Variants in PTPRG observed in about 807,000 individuals in gnomAD.
The protein encoded by PTPRG is protein tyrosine phosphatase receptor type G, also known as receptor-type tyrosine-protein phosphatase gamma.
Under a neutral mutation model 165.3 loss-of-function variants are expected in PTPRG, and 102 were observed. The observed-to-expected ratio is 0.62, with a 90% CI of 0.53 to 0.73. PTPRG has a LOEUF of 0.73. PTPRG is among the 30% of genes least tolerant of loss of function. The probability of loss-of-function intolerance (pLI) is 0.00; values close to 1 mark genes in which losing one functional copy is unlikely to be tolerated. For missense variants in PTPRG, 1,866 were observed against 1,861.4 expected (o/e 1.00, Z -0.05); for synonymous variants, 675 against 669.5 (o/e 1.01, Z -0.13).
intron 2 of PTPRG, among the ~76,000 whole-genome samples, chr3:61,956,090 T>TTATATATATATA (rs139960761): frequency 4.6e-4 from 69 of 149,070 alleles, no homozygotes; most frequent in African/African-American, 1.6e-3. Context: ...GGGAAAAAAA[T>TTATATATATATA]TATATATATA....
rs1700544674 is a variant in PTPRG, at chr3:62,053,849, C to T, written c.520-24314C>T. Among the ~76,000 whole-genome samples the T allele has an allele frequency of 2.0e-5, 3 of 152,294 alleles. No homozygotes were observed. The South Asian group carries it at 6.2e-4, about 32-fold the overall frequency. ...TCAAACTGCTGGTTAGATAATTTGA[C>T]TTCCTAGCTCTGCCAAGCCCAGCTG... is the stretch of plus-strand genomic sequence containing the variant. On this transcript the variant is annotated intron_variant, in intron 4 of 29. Transcript: ENST00000474889.
intron 5 of PTPRG, among the ~76,000 whole-genome samples, chr3:62,093,048 TA>T (rs1701993658): frequency 6.6e-6 from 1 of 152,192 alleles, no homozygotes; most frequent in Non-Finnish European, 1.5e-5. Flanking sequence ...CTTTAAATAA[TA>T]CCGATGCTCA....
In PTPRG at chr3:61,884,109, C is replaced by T. The variant is rs79440860; in HGVS notation, c.191-105516C>T. 4.9e-4 allele frequency among the ~76,000 whole-genome samples: 74 copies of T among 152,296 alleles called. 1 individual carries two copies. The East Asian group carries it at 7.0e-3, about 14-fold the overall frequency. On this transcript the variant is annotated intron_variant, in intron 2 of 29. Coordinates refer to ENST00000474889, the MANE Select transcript of PTPRG (RefSeq NM_002841.4). ...ATACTTAGGACATTTATAGTCACCT[C>T]TTTCTTCTTGACTCTGCTAAATTGT...
At chr3:62,289,634 T>G (rs1338097718) in intron 28 of PTPRG, among the ~76,000 whole-genome samples, 3 of 150,486 alleles carry the variant, frequency 2.0e-5, no homozygotes, top group Non-Finnish European at 4.4e-5. Flanking sequence ...CAGGACATTT[T>G]AAGAGACATT....
At chr3:62,026,133 T>C (rs1575905652) in intron 4 of PTPRG, among the ~76,000 whole-genome samples, 1 of 152,216 alleles carries the variant, frequency 6.6e-6, no homozygotes, top group Non-Finnish European at 1.5e-5. Context: ...CTAGCATCAC[T>C]GCATAAATAG....
At chr3:62,286,450 T>C (rs1702663622) in intron 28 of PTPRG, among the ~76,000 whole-genome samples, 1 of 152,090 alleles carries the variant, frequency 6.6e-6, no homozygotes, top group Admixed American at 6.6e-5. Flanking sequence ...TATTAAAAGC[T>C]ACAATAATAA....
At chr3:61,689,256 A>G (rs1255009561) in intron 1 of PTPRG, among the ~76,000 whole-genome samples, 1 of 152,262 alleles carries the variant, frequency 6.6e-6, no homozygotes, top group Non-Finnish European at 1.5e-5. Context: ...TGATTCCTAT[A>G]ACTGCTTCCC....
intron 1 of PTPRG, among the ~76,000 whole-genome samples, chr3:61,664,823 C>T (rs1702762109): frequency 6.6e-6 from 1 of 151,802 alleles, no homozygotes; most frequent in South Asian, 2.1e-4. Context: ...AGAGCCAGAT[C>T]CTGTTTCAAA....
At chr3:61,886,646 C>T (rs1210813090) in intron 2 of PTPRG, among the ~76,000 whole-genome samples, 1 of 152,136 alleles carries the variant, frequency 6.6e-6, no homozygotes, top group Non-Finnish European at 1.5e-5. Context: ...GGGGAGTTAA[C>T]AGGTAGGGCT....
At position 62,203,409 on chromosome 3, in the gene PTPRG, C is replaced by T. The variant is rs1490866661; in HGVS notation, c.1614C>T (p.Leu538=). ...CCAGCACTGTGTGGCCCACGCGCCTCCCGACGGCCGCCTCAGCCAGCAAGC... is the reference window on the plus strand; with the variant it reads ...CCAGCACTGTGTGGCCCACGCGCCTTCCGACGGCCGCCTCAGCCAGCAAGC... ...SFPSTVWPTR[L]PTAASASKQA... Residue 538 remains leucine (L), a synonymous_variant, in exon 12 of 30, where the codon CTC becomes CTT. Transcript: ENST00000474889. This position sits in a 1 kb window ranked among gnomAD's most constrained non-coding sequence, Gnocchi z 6.4. The T allele has an allele frequency of 1.2e-6, 2 of 1,611,338 alleles. No homozygotes were observed. Among genetic ancestry groups the T allele is most frequent in the Non-Finnish European group, 1.7e-6 (2 of 1,179,104 alleles).
chr3:61,624,540 C>G (rs911851761), intron 1 of PTPRG, among the ~76,000 whole-genome samples: 16 of 152,174 alleles, frequency 1.1e-4, no homozygotes, highest in African/African-American at 3.9e-4. Flanking sequence ...CCAAGGGCAT[C>G]GCAAAGACAT....
intron 4 of PTPRG, among the ~76,000 whole-genome samples, chr3:62,045,388 TCG>T (rs1270187709): frequency 6.6e-6 from 1 of 152,226 alleles, no homozygotes; most frequent in African/African-American, 2.4e-5. Flanking sequence ...AAAGCTGGTG[TCG>T]AGTTAGCTGT....
chr3:62,090,199 A>T (rs575351991), intron 5 of PTPRG, among the ~76,000 whole-genome samples: 1 of 152,140 alleles, frequency 6.6e-6, no homozygotes, highest in Non-Finnish European at 1.5e-5. Flanking sequence ...CTCCATCCAT[A>T]TTACTGAGGT....
chr3:62,040,045 G>A (rs551009830), intron 4 of PTPRG, among the ~76,000 whole-genome samples: 13 of 152,256 alleles, frequency 8.5e-5, no homozygotes, highest in South Asian at 8.3e-4. Flanking sequence ...TTTTCCAGCC[G>A]ACAACCAGCT....
At chr3:61,862,033 G>A (rs2037285049) in intron 2 of PTPRG, among the ~76,000 whole-genome samples, 2 of 152,218 alleles carry the variant, frequency 1.3e-5, no homozygotes, top group South Asian at 2.1e-4. Flanking sequence ...GATTGGTACC[G>A]GTCCCTGGCC....
At position 61,787,493 on chromosome 3, in the gene PTPRG, G is replaced by A. The variant is rs1333423782; in HGVS notation, c.190+38511G>A. Among the ~76,000 whole-genome samples the A allele has an allele frequency of 4.6e-5, 7 of 152,192 alleles. No homozygotes were observed. In the East Asian group the frequency reaches 1.3e-3, roughly 29 times the overall value. On this transcript the variant is annotated intron_variant, in intron 2 of 29. Transcript: ENST00000474889. ...GCATCTGAAATGGTAAATATTCCGA[G>A]TGGTATCATTAGTTTCGCTTTTCAG...
intron 6 of PTPRG, among the ~76,000 whole-genome samples, chr3:62,140,992 C>T (rs553243359): frequency 6.6e-6 from 1 of 151,976 alleles, no homozygotes; most frequent in East Asian, 1.9e-4. Context: ...ATAAAAATTT[C>T]CATGCTGTCC....
chr3:61,752,822 T>G (rs925121352), intron 2 of PTPRG, among the ~76,000 whole-genome samples: 1 of 88,866 alleles, frequency 1.1e-5, no homozygotes, highest in African/African-American at 3.5e-5. Flanking sequence ...AAGAAAATAT[T>G]TGCCAACTCC....
chr3:61,659,240 T>G (rs1431477913), intron 1 of PTPRG: 36 of 889,298 alleles, frequency 4.0e-5, no homozygotes, highest in Non-Finnish European at 4.7e-5. Context: ...TGAATAGATG[T>G]TCTCAGGGCT....
Sources: allele counts gnomAD v4.1 joint callset (sites outside exome capture counted in the v4.1 genomes callset), GRCh38; gene constraint gnomAD v4.1.1; non-coding constraint Gnocchi (gnomAD v3.1); transcripts MANE v1.5; gene names NCBI Gene and HGNC (gene_info 2026-07-23, HGNC 2026-07-21).